The following CYP24A1 variants were observed in gnomAD, a reference collection of about 807,000 sequenced individuals.
The protein encoded by CYP24A1 is 1,25-dihydroxyvitamin D(3) 24-hydroxylase, mitochondrial.
CYP24A1 carries 68 observed loss-of-function variants against 62.4 expected under a neutral mutation model. That is an observed-to-expected ratio of 1.09 (90% CI 0.90 to 1.33). CYP24A1 has a LOEUF of 1.33. Among genes scored for constraint, CYP24A1 ranks in the 40% most tolerant of loss-of-function variants. CYP24A1 has a pLI of 0.00. For missense variants in CYP24A1, 787 were observed against 653.0 expected (o/e 1.21, Z -2.24); for synonymous variants, 267 against 253.0 (o/e 1.06, Z -0.52).
chr20:54,166,643 C>T (rs780450080), intron 4 of CYP24A1, among the ~76,000 whole-genome samples: 1 of 152,066 alleles, frequency 6.6e-6, no homozygotes, highest in African/African-American at 2.4e-5. Context: ...TCCCTAAGAA[C>T]CTTAGCGACC....
intron 4 of CYP24A1, among the ~76,000 whole-genome samples, chr20:54,167,185 A>G (rs1282707499): frequency 6.6e-6 from 1 of 152,330 alleles, no homozygotes; most frequent in African/African-American, 2.4e-5. Flanking sequence ...TAGCTTAGTC[A>G]GCACCCACCC....
In CYP24A1 at chr20:54,154,776, C is replaced by A. The variant is rs997185893; in HGVS notation, c.*11-15G>T. 1 of 152,250 alleles carries A rather than the reference C, an allele frequency of 6.6e-6. No individual in the cohort carries two copies. Among genetic ancestry groups the A allele is most frequent in the South Asian group, 2.1e-4 (1 of 4,824 alleles). 9.4% of individuals were successfully genotyped at this position (152,250 alleles called of 1,614,324 possible). A position where few individuals can be genotyped will look rare whatever the true frequency, so the allele number is the denominator to read the frequency against. ...AATACCACCATCTAGAAAGACAGTA[C>A]AGCTTCTGGAACAATTTTGCAGAAG... is the stretch of plus-strand genomic sequence containing the variant. On this transcript the variant is annotated splice_polypyrimidine_tract_variant and intron_variant, in intron 11 of 11. Coordinates refer to ENST00000216862, the MANE Select transcript of CYP24A1 (RefSeq NM_000782.5).
rs746144236 is a variant in CYP24A1 at position 54,172,879 on chromosome 20, G to T, written c.449+30C>A. 5 of 1,612,910 alleles carry T rather than the reference G, an allele frequency of 3.1e-6. No homozygotes were observed. In the South Asian group the frequency reaches 4.4e-5, roughly 14 times the overall value. On this transcript the variant is annotated intron_variant, in intron 2 of 11. Transcript: ENST00000216862. ...GCCGTCAGGCTCATCAGGTCTGGCCGCATGCCCAGGTCCCTCGGATTGGAC... is the reference window on the plus strand; with the variant it reads ...GCCGTCAGGCTCATCAGGTCTGGCCTCATGCCCAGGTCCCTCGGATTGGAC...
chr20:54,173,543 C>T lies in CYP24A1; in HGVS notation c.37G>A (p.Ala13Thr), dbSNP rs756992582. 9.3e-5 allele frequency: 147 copies of T among 1,581,212 alleles called. No individual in the cohort carries two copies. Among genetic ancestry groups the T allele is most frequent in the Middle Eastern group, 1.7e-4 (1 of 5,820 alleles). The change falls in exon 1 of 12, where the codon GCC becomes ACC. Residue 13 changes from alanine to threonine, a missense_variant. By Grantham distance (58) the Ala-to-Thr change is moderately conservative (BLOSUM62 0). Transcript: ENST00000216862. This position sits in a 1 kb window ranked among gnomAD's most constrained non-coding sequence, Gnocchi z 7.2. ...SPISKSRSLA[A>T]FLQQLRSPRQ... Reference sequence around the variant, plus strand: ...GGACTGCGCAGCTGCTGCAGGAAGGCGGCAAGCGAGCGGCTCTTGCTGATG... The same window carrying T: ...GGACTGCGCAGCTGCTGCAGGAAGGTGGCAAGCGAGCGGCTCTTGCTGATG...
chr20:54,157,440 A>G lies in CYP24A1; in HGVS notation c.1382T>C (p.Met461Thr). The G allele has an allele frequency of 6.2e-7, 1 of 1,608,186 alleles. No homozygotes were observed. The highest frequency in any genetic ancestry group is 8.5e-7 in the Non-Finnish European group (1 of 1,174,516). Residue 461 changes from methionine (M) to threonine (T), a missense_variant, in exon 10 of 12, where the codon ATG becomes ACG. Physicochemically the swap from Met to Thr is moderately conservative, Grantham distance 81. Transcript: ENST00000216862. ...AHLPFGVGKRMCIGRRLAELQ... is the reference protein window; with the variant it reads ...AHLPFGVGKRTCIGRRLAELQ... ...CTCTGCTAATCGGCGACCAATGCAC[A>G]TTCTTTTTCCAACGCCAAATGGAAG...
rs2146453751 is a variant in CYP24A1 at position 54,154,208 on chromosome 20, G to A, written c.*564C>T. On this transcript the variant is annotated 3_prime_UTR_variant, in exon 12 of 12. Coordinates refer to ENST00000216862, the MANE Select transcript of CYP24A1 (RefSeq NM_000782.5). Reference sequence around the variant, plus strand: ...TTTTAAGGTCCTCTAACAAAATAATGCCCCAGTGAATCACTAGTCTTATAA... The same window carrying A: ...TTTTAAGGTCCTCTAACAAAATAATACCCCAGTGAATCACTAGTCTTATAA... 6.6e-6 allele frequency: 1 copy of A among 152,230 alleles called. No individual in the cohort carries two copies. The highest frequency in any genetic ancestry group is 2.4e-5 in the African/African-American group (1 of 41,542). The allele number at this position is 152,230 out of a possible 1,614,324, so 9.4% of individuals were successfully genotyped here.
chr20:54,161,938 G>T (rs1303251535), intron 7 of CYP24A1, among the ~76,000 whole-genome samples: 1 of 152,232 alleles, frequency 6.6e-6, no homozygotes, highest in Non-Finnish European at 1.5e-5. Context: ...TGCATGAAAT[G>T]TTGGACTTAG....
Position 54,173,506 on chromosome 20 carries a change from G to T in CYP24A1, c.74C>A (p.Pro25Gln). The change falls in exon 1 of 12, where the codon CCG (proline) becomes CAG (glutamine). Residue 25 changes from proline (P) to glutamine (Q), a missense_variant. Coordinates refer to ENST00000216862, the MANE Select transcript of CYP24A1 (RefSeq NM_000782.5). This position sits in a 1 kb window ranked among gnomAD's most constrained non-coding sequence, Gnocchi z 7.2. ...LQQLRSPRQP[P>Q]RLVTSTAYTS... is the part of the protein sequence containing the mutation. ...GTACGCCGTAGATGTCACCAGTCTCGGGGGCTGCCTCGGACTGCGCAGCTG... is the reference window on the plus strand; with the variant it reads ...GTACGCCGTAGATGTCACCAGTCTCTGGGGCTGCCTCGGACTGCGCAGCTG... The T allele has an allele frequency of 6.4e-7, 1 of 1,567,136 alleles. No homozygotes were observed. Among genetic ancestry groups the T allele is most frequent in the Non-Finnish European group, 8.6e-7 (1 of 1,156,340 alleles).
chr20:54,157,096 G>A lies in CYP24A1; in HGVS notation c.*10+73C>T, dbSNP rs536025025. On this transcript the variant is annotated intron_variant, in intron 11 of 11. Transcript: ENST00000216862. ...CTGGGATTCAAACCCCAGTCTGGCT[G>A]ACTTCCCAGCATAGCTCATCCCTCG... 7.6e-6 allele frequency: 6 copies of A among 793,052 alleles called. No homozygotes were observed. In the East Asian group the frequency reaches 1.1e-4, roughly 14 times the overall value. 49.1% of individuals were successfully genotyped at this position (793,052 alleles called of 1,614,324 possible).
At position 54,173,238 on chromosome 20, in the gene CYP24A1, G is replaced by T; in HGVS notation, c.258+84C>A. The T allele has an allele frequency of 1.3e-6, 2 of 1,509,196 alleles. No individual in the cohort carries two copies. The highest frequency in any genetic ancestry group is 1.8e-5 in the Admixed American group (1 of 56,908). 93.5% of individuals were successfully genotyped at this position (1,509,196 alleles called of 1,614,324 possible). On this transcript the variant is annotated intron_variant, in intron 1 of 11. Coordinates refer to ENST00000216862, the MANE Select transcript of CYP24A1 (RefSeq NM_000782.5). The surrounding 1 kb of genome is among the most constrained non-coding windows in gnomAD (Gnocchi z 7.2). ...ACGCCGAAGCGCACCATGCGCCCGA[G>T]GCGCGCATGTCGGGGAGGGTTTGGA...
In CYP24A1 at chr20:54,171,587, T is replaced by C. The variant is rs146404747; in HGVS notation, c.533A>G (p.Lys178Arg). ...KPGEVMKLDN[K>R]INEVLADFMG... ...CCCCAGCCTGCAGACCTCATTGATT[T>C]TGTTGTCCAGCTTCATCACTTCCCC... The change falls in exon 3 of 12, where the codon AAA (lysine) becomes AGA (arginine). Residue 178 changes from lysine to arginine, a missense_variant. By Grantham distance (26) the Lys-to-Arg change is conservative. Coordinates refer to ENST00000216862, the MANE Select transcript of CYP24A1 (RefSeq NM_000782.5). 123 of 1,613,822 alleles carry C rather than the reference T, an allele frequency of 7.6e-5. No homozygotes were observed. The African/African-American group carries it at 1.4e-3, about 19-fold the overall frequency.
chr20:54,148,309 G>A, the CYP24A1 span, among the ~76,000 whole-genome samples: 3 of 149,976 alleles, frequency 2.0e-5, no homozygotes, highest in Non-Finnish European at 3.0e-5. Flanking sequence ...TCAAGCATTT[G>A]CATTTTACTA....
At position 54,153,578 on chromosome 20, in the gene CYP24A1, A is replaced by G. The variant is rs542943626; in HGVS notation, c.*1194T>C. The G allele has an allele frequency of 3.3e-5, 5 of 152,706 alleles. No homozygotes were observed. The highest frequency in any genetic ancestry group is 1.2e-4 in the African/African-American group (5 of 41,586). The allele number at this position is 152,706 out of a possible 1,614,324, so 9.5% of individuals were successfully genotyped here. The stretch of plus-strand genomic sequence containing the variant: ...AGAAAGCATATACCTAGATATGTAC[A>G]TATTTATTACAATATAAAGACATAA... On this transcript the variant is annotated 3_prime_UTR_variant, in exon 12 of 12. Transcript: ENST00000216862.
Position 54,164,450 on chromosome 20 carries a change from A to T in CYP24A1, c.844+2T>A. 1 of 1,614,016 alleles carries T rather than the reference A, an allele frequency of 6.2e-7. No homozygotes were observed. Among genetic ancestry groups the T allele is most frequent in the Non-Finnish European group, 8.5e-7 (1 of 1,179,986 alleles). ...GGCTGGTTGTGAAGGGCGGCCCTTT[A>T]CCTGATTTGAAAATGGTGTCCCAGG... On this transcript the variant is annotated splice_donor_variant, in intron 6 of 11. Coordinates refer to ENST00000216862, the MANE Select transcript of CYP24A1 (RefSeq NM_000782.5). LOFTEE classifies it high-confidence loss of function.
intron 7 of CYP24A1, among the ~76,000 whole-genome samples, chr20:54,160,458 A>T (rs1053405887): frequency 3.9e-5 from 6 of 152,254 alleles, no homozygotes; most frequent in Admixed American, 3.9e-4. Flanking sequence ...GCTAAGTGCC[A>T]TGTGCCACTC....
chr20:54,148,369 G>GACACACAGACACAC, the CYP24A1 span, among the ~76,000 whole-genome samples: 1 of 133,378 alleles, frequency 7.5e-6, no homozygotes, highest in African/African-American at 2.8e-5. Context: ...CAGACACACA[G>GACACACAGACACAC]ACACACACAC....
At chr20:54,154,898 C>A (rs1185907418) in intron 11 of CYP24A1, 137 bp from the exon 12 acceptor site, 2 of 121,652 alleles carry the variant, frequency 1.6e-5, no homozygotes, top group African/African-American at 6.4e-5. Context: ...GCCATAAGCA[C>A]CATTCTTGCA....
chr20:54,155,505 G>T (rs921864844), intron 11 of CYP24A1, among the ~76,000 whole-genome samples: 1 of 151,912 alleles, frequency 6.6e-6, no homozygotes, highest in Non-Finnish European at 1.5e-5. Flanking sequence ...AGGCCGAGGC[G>T]GGTGGATCAC....
Position 54,162,844 on chromosome 20 carries a change from T to C in CYP24A1, c.863A>G (p.Asn288Ser). 1 of 1,576,916 alleles carries C rather than the reference T, an allele frequency of 6.3e-7. No homozygotes were observed. Among genetic ancestry groups the C allele is most frequent in the Non-Finnish European group, 8.7e-7 (1 of 1,146,390 alleles). Residue 288 changes from asparagine to serine, a missense_variant, in exon 7 of 12, where the codon AAC becomes AGC. Asn to Ser is a conservative substitution (Grantham distance 46). Transcript: ENST00000216862. ...IFKSVKACID[N>S]RLEKYSQQPS... The stretch of plus-strand genomic sequence containing the variant: ...CTGCTGAGAATACTTCTCTAACCGG[T>C]TGTCGATACAAGCTTTGACTATTAG...
Sources: allele counts gnomAD v4.1 joint callset (sites outside exome capture counted in the v4.1 genomes callset), GRCh38; gene constraint gnomAD v4.1.1; non-coding constraint Gnocchi (gnomAD v3.1); transcripts MANE v1.5; gene names NCBI Gene and HGNC (gene_info 2026-07-23, HGNC 2026-07-21).